MYOM1: variants seen among roughly 807,000 people sequenced by gnomAD.
The protein encoded by MYOM1 is myomesin 1, also known as myomesin-1.
In MYOM1, 164 loss-of-function variants were observed where a neutral mutation model predicts 205.3. The ratio of observed to expected loss-of-function variants is 0.80; its 90% CI spans 0.70 to 0.91. The LOEUF (loss-of-function observed/expected upper bound fraction) is 0.91, where lower values mean the gene tolerates loss of function less well. MYOM1 is among the 40% of genes least tolerant of loss of function. MYOM1 has a pLI of 0.00. For missense variants in MYOM1, 2,011 were observed against 2,127.3 expected (o/e 0.95, Z 1.08); for synonymous variants, 772 against 789.4 (o/e 0.98, Z 0.37).
At position 3,135,476 on chromosome 18, in the gene MYOM1, C is replaced by A. The variant is rs961889012; in HGVS notation, c.2209+71G>T. On this transcript the variant is annotated intron_variant, in intron 15 of 37. Coordinates refer to ENST00000356443, the MANE Select transcript of MYOM1 (RefSeq NM_003803.4). The surrounding 1 kb of genome is among the most constrained non-coding windows in gnomAD (Gnocchi z 4.1). ...AGGATGTCACCATTTTTACTCCTGG[C>A]CAAATATACATATACTAGATCCTTG... 2 of 1,391,722 alleles carry A rather than the reference C, an allele frequency of 1.4e-6. No individual in the cohort carries two copies. The highest frequency in any genetic ancestry group is 1.9e-6 in the Non-Finnish European group (2 of 1,036,264). 86.2% of individuals were successfully genotyped at this position (1,391,722 alleles called of 1,614,324 possible). A position where few individuals can be genotyped will look rare whatever the true frequency, so the allele number is the denominator to read the frequency against.
At chr18:3,111,367 G>A (rs1237587637) in intron 22 of MYOM1, among the ~76,000 whole-genome samples, 3 of 152,048 alleles carry the variant, frequency 2.0e-5, no homozygotes, top group African/African-American at 7.2e-5. Flanking sequence ...AATGAACACA[G>A]TAAACTCTGT....
chr18:3,154,921 T>G (rs1198533085), intron 11 of MYOM1, 26 bp downstream of exon 11: 24 of 1,602,158 alleles, frequency 1.5e-5, no homozygotes, highest in Non-Finnish European at 2.0e-5. Flanking sequence ...CAAATAACTG[T>G]AATTGATGTT....
Position 3,135,390 on chromosome 18 carries a change from T to G in MYOM1, c.2209+157A>C. 1.7e-6 allele frequency: 1 copy of G among 574,776 alleles called. No individual in the cohort carries two copies. Among genetic ancestry groups the G allele is most frequent in the Admixed American group, 3.4e-5 (1 of 29,130 alleles). The allele number at this position is 574,776 out of a possible 1,614,324, so 35.6% of individuals were successfully genotyped here. A position where few individuals can be genotyped will look rare whatever the true frequency, so the allele number is the denominator to read the frequency against. On this transcript the variant is annotated intron_variant, in intron 15 of 37. Coordinates refer to ENST00000356443, the MANE Select transcript of MYOM1 (RefSeq NM_003803.4). The surrounding 1 kb of genome is among the most constrained non-coding windows in gnomAD (Gnocchi z 4.1). ...GTTTACTTTTCATAAACAAAAATAA[T>G]GAATTTTTGTTTAATGTATAGGTTA...
At chr18:3,213,806 A>G (rs1265595407) in intron 2 of MYOM1, among the ~76,000 whole-genome samples, 1 of 152,238 alleles carries the variant, frequency 6.6e-6, no homozygotes, top group African/African-American at 2.4e-5. Context: ...ATTGAAGCAG[A>G]GAAGCAACCT....
At chr18:3,155,285 G>T (rs527293215) in intron 10 of MYOM1, among the ~76,000 whole-genome samples, 197 bp from the exon 11 acceptor site, 71 of 152,244 alleles carry the variant, frequency 4.7e-4, no homozygotes, top group Non-Finnish European at 6.5e-4. Context: ...GCAGAGGTGG[G>T]ATCTCAGCTC....
rs1370148950 is a variant in MYOM1 at position 3,179,278 on chromosome 18, A to G, written c.930-3144T>C. Among the ~76,000 whole-genome samples, 4 of 152,196 alleles carry G rather than the reference A, an allele frequency of 2.6e-5. No individual in the cohort carries two copies. Among genetic ancestry groups the G allele is most frequent in the Admixed American group, 1.3e-4 (2 of 15,274 alleles). On this transcript the variant is annotated intron_variant, in intron 5 of 37. Transcript: ENST00000356443. This position sits in a 1 kb window ranked among gnomAD's most constrained non-coding sequence, Gnocchi z 4.4. ...TTGAACAGAATTAGCACGTAATGCA[A>G]TAGATTAATTGTAGCTTCATAATTT... is the stretch of plus-strand genomic sequence containing the variant.
At chr18:3,071,943 T>C in intron 36 of MYOM1, 54 bp from the exon 37 acceptor site, 1 of 1,525,850 alleles carries the variant, frequency 6.6e-7, no homozygotes, top group Non-Finnish European at 8.9e-7. Flanking sequence ...CCAGCGGTCA[T>C]ACTCACAAAA....
chr18:3,188,128 G>A (rs77061856), intron 4 of MYOM1, among the ~76,000 whole-genome samples: 2,365 of 151,890 alleles, frequency 0.016, 50 homozygotes, highest in African/African-American at 0.052. Flanking sequence ...GGTGTGAGCC[G>A]CCACACCTGA....
intron 29 of MYOM1, among the ~76,000 whole-genome samples, chr18:3,087,989 T>C (rs1251739219): frequency 6.6e-6 from 1 of 152,182 alleles, no homozygotes; most frequent in African/African-American, 2.4e-5. Context: ...GGAGGCCTTC[T>C]AGAGATGACT....
rs1291371952 is a variant in MYOM1, at chr18:3,188,790, A to G, written c.729T>C (p.Val243=). The change falls in exon 4 of 38, where the codon GTT becomes GTC. Residue 243 remains valine (V), a synonymous_variant. Coordinates refer to ENST00000356443, the MANE Select transcript of MYOM1 (RefSeq NM_003803.4). ...GGCGTTCTGCCTTTTCTCGAATCAC[A>G]ACTTTCCTTGACTTCTTTTCAGAAG... ...EETSEKKSRK[V]VIREKAERLS... The G allele has an allele frequency of 1.2e-6, 2 of 1,605,692 alleles. No homozygotes were observed. The highest frequency in any genetic ancestry group is 1.7e-6 in the Non-Finnish European group (2 of 1,173,900).
chr18:3,154,271 C>A (rs991305083), intron 11 of MYOM1, among the ~76,000 whole-genome samples: 2 of 151,840 alleles, frequency 1.3e-5, no homozygotes, highest in Non-Finnish European at 2.9e-5. Context: ...TAAAAAAATT[C>A]ATCTTTGGAA....
At chr18:3,121,289 A>G (rs373953253) in intron 19 of MYOM1, among the ~76,000 whole-genome samples, 13 of 152,184 alleles carry the variant, frequency 8.5e-5, no homozygotes, top group African/African-American at 2.9e-4. Context: ...TCTGCCCCCT[A>G]AAATCCCGGG....
At chr18:3,147,309 A>AT (rs1010512693) in intron 13 of MYOM1, among the ~76,000 whole-genome samples, 6 of 151,678 alleles carry the variant, frequency 4.0e-5, no homozygotes, top group Admixed American at 6.6e-5. Flanking sequence ...AATGTATGAG[A>AT]TTATATCTAT....
At chr18:3,175,026 G>A (rs1168209118) in intron 6 of MYOM1, among the ~76,000 whole-genome samples, 1 of 152,094 alleles carries the variant, frequency 6.6e-6, no homozygotes. Flanking sequence ...GTTTCTCGGG[G>A]TTTAGTTTCA....
intron 1 of MYOM1, among the ~76,000 whole-genome samples, chr18:3,215,469 T>TG (rs2081253219): frequency 6.6e-6 from 1 of 151,898 alleles, no homozygotes; most frequent in Non-Finnish European, 1.5e-5. Flanking sequence ...CCGGGTGTGG[T>TG]GTGTGTGTCT....
rs2079604167 is a variant in MYOM1 at position 3,116,312 on chromosome 18, G to T, written c.3303+19C>A. 1 of 1,607,150 alleles carries T rather than the reference G, an allele frequency of 6.2e-7. No individual in the cohort carries two copies. The highest frequency in any genetic ancestry group is 2.2e-5 in the East Asian group (1 of 44,798). On this transcript the variant is annotated intron_variant, in intron 21 of 37. Transcript: ENST00000356443. ...AGAGCAGTTAGTAGAGGAAGCTCTA[G>T]AACTGAGCAGCCTCTTACCTTCAGG... is the stretch of plus-strand genomic sequence containing the variant.
intron 36 of MYOM1, 34 bp downstream of exon 36, chr18:3,075,420 G>A: frequency 6.3e-7 from 1 of 1,591,946 alleles, no homozygotes; most frequent in Non-Finnish European, 8.6e-7. Flanking sequence ...TATCCCAGGA[G>A]TACTTGTGAA....
chr18:3,081,161 A>G (rs918005924), intron 33 of MYOM1, among the ~76,000 whole-genome samples: 24 of 152,134 alleles, frequency 1.6e-4, no homozygotes, highest in Middle Eastern at 3.2e-3. Flanking sequence ...AGAGTTAAAC[A>G]GAAAGATTGT....
At position 3,094,164 on chromosome 18, in the gene MYOM1, AC is replaced by A; in HGVS notation, c.3864+5del. 1.2e-6 allele frequency: 2 copies of A among 1,613,690 alleles called. No homozygotes were observed. The highest frequency in any genetic ancestry group is 1.7e-6 in the Non-Finnish European group (2 of 1,179,762). ...CATTAAAAAGTCTAAACAGTGTAAA[AC>A]CTACCGGGCCTTCAAAAATTTCCTT... is the stretch of plus-strand genomic sequence containing the variant. On this transcript the variant is annotated splice_donor_5th_base_variant and intron_variant, in intron 26 of 37. Transcript: ENST00000356443.
Sources: gnomAD v4.1 joint callset for allele counts (sites outside exome capture counted in the v4.1 genomes callset) on GRCh38, gnomAD v4.1.1 for gene constraint, Gnocchi (gnomAD v3.1) non-coding constraint, MANE v1.5 for transcripts, NCBI Gene and HGNC (gene_info 2026-07-23, HGNC 2026-07-21) for gene names.